ADAM12: variants seen among roughly 807,000 people sequenced by gnomAD.
ADAM12 encodes the protein disintegrin and metalloproteinase domain-containing protein 12.
In ADAM12, 70 loss-of-function variants were observed where a neutral mutation model predicts 106.4. That is an observed-to-expected ratio of 0.66 (90% confidence interval 0.54 to 0.80). The LOEUF (loss-of-function observed/expected upper bound fraction) is 0.80, where lower values mean the gene tolerates loss of function less well. Ranked by LOEUF, ADAM12 falls within the 30% of genes least tolerant of loss-of-function variation. The probability of loss-of-function intolerance (pLI) is 0.00; values close to 1 mark genes in which losing one functional copy is unlikely to be tolerated. For missense variants in ADAM12, 1,010 were observed against 1,171.9 expected, an observed-to-expected ratio of 0.86 and a Z score of 2.02; for synonymous variants, 420 against 433.5, an observed-to-expected ratio of 0.97 and a Z score of 0.39.
intron 21 of ADAM12, among the ~76,000 whole-genome samples, chr10:126,023,411 T>C (rs1010266641): frequency 8.0e-5 from 12 of 150,446 alleles, no homozygotes; most frequent in Non-Finnish European, 1.6e-4. Context: ...GGAGAGGGAG[T>C]AGTAACTGAA....
chr10:126,236,081 C>A (rs1370213519), intron 3 of ADAM12, among the ~76,000 whole-genome samples: 1 of 152,174 alleles, frequency 6.6e-6, no homozygotes, highest in Non-Finnish European at 1.5e-5. Context: ...CTGAAAAGGA[C>A]AGGCCACCAG....
intron 3 of ADAM12, among the ~76,000 whole-genome samples, chr10:126,169,726 T>C (rs1186531193): frequency 6.6e-6 from 1 of 152,216 alleles, no homozygotes; most frequent in East Asian, 1.9e-4. Flanking sequence ...ATAGAAAATA[T>C]ACTTTACAAG....
intron 3 of ADAM12, among the ~76,000 whole-genome samples, chr10:126,231,827 G>A (rs1225883493): frequency 3.3e-5 from 5 of 152,128 alleles, no homozygotes; most frequent in African/African-American, 1.2e-4. Context: ...AGGGATGAAC[G>A]GGATTGGTCC....
intron 21 of ADAM12, among the ~76,000 whole-genome samples, chr10:126,020,737 C>T (rs1056689077): frequency 1.3e-5 from 2 of 151,974 alleles, no homozygotes; most frequent in African/African-American, 2.4e-5. Context: ...ATGCCTGTAA[C>T]TCCAGCACTT....
chr10:126,078,867 T>G (rs781588168), intron 11 of ADAM12, among the ~76,000 whole-genome samples: 1 of 152,094 alleles, frequency 6.6e-6, no homozygotes, highest in Non-Finnish European at 1.5e-5. Context: ...AAAAACCATT[T>G]TCTTTATTAC....
rs1291034328 is a variant in ADAM12 at position 126,013,184 on chromosome 10, G to C, written c.*4095C>G. ...GGCTGTACTAGAAGCTGCCATTACT[G>C]TTCCAAAAAGTAAAGGGGATTTTCT... On this transcript the variant is annotated 3_prime_UTR_variant, in exon 23 of 23. Coordinates refer to ENST00000448723, the MANE Select transcript of ADAM12 (RefSeq NM_001288973.2). This position sits in a 1 kb window ranked among gnomAD's most constrained non-coding sequence, Gnocchi z 4.3. The C allele has an allele frequency of 6.6e-6, 1 of 152,220 alleles. No homozygotes were observed. Among genetic ancestry groups the C allele is most frequent in the East Asian group, 1.9e-4 (1 of 5,184 alleles). 9.4% of individuals were successfully genotyped at this position (152,220 alleles called of 1,614,324 possible). A position where few individuals can be genotyped will look rare whatever the true frequency, so the allele number is the denominator to read the frequency against.
At chr10:126,143,713 T>G (rs773218005) in intron 4 of ADAM12, among the ~76,000 whole-genome samples, 15 of 151,976 alleles carry the variant, frequency 9.9e-5, no homozygotes, top group Non-Finnish European at 2.2e-4. Context: ...TATGTGTGTG[T>G]GTGGGTATGC....
intron 3 of ADAM12, among the ~76,000 whole-genome samples, chr10:126,178,524 C>A (rs1259561927): frequency 6.9e-6 from 1 of 145,456 alleles, no homozygotes; most frequent in East Asian, 2.0e-4. Context: ...CAATATATTT[C>A]TTTGTATGCT....
intron 1 of ADAM12, among the ~76,000 whole-genome samples, chr10:126,363,812 A>G (rs930403398): frequency 2.6e-5 from 4 of 152,186 alleles, no homozygotes; most frequent in Admixed American, 2.6e-4. Context: ...CACATGAGCG[A>G]AAGATGGGTT....
intron 6 of ADAM12, among the ~76,000 whole-genome samples, chr10:126,112,165 T>C (rs888174716): frequency 1.3e-5 from 2 of 150,748 alleles, no homozygotes; most frequent in African/African-American, 2.4e-5. Flanking sequence ...CAAGTGGGAG[T>C]TGAACAATAA....
chr10:126,024,178 A>G (rs1245757255), intron 21 of ADAM12, among the ~76,000 whole-genome samples: 2 of 152,214 alleles, frequency 1.3e-5, no homozygotes, highest in Non-Finnish European at 2.9e-5. Flanking sequence ...AACACGAAAC[A>G]CTATATTAAT....
intron 2 of ADAM12, among the ~76,000 whole-genome samples, chr10:126,312,924 A>G (rs1345002007): frequency 6.6e-6 from 1 of 152,214 alleles, no homozygotes; most frequent in African/African-American, 2.4e-5. Flanking sequence ...CAGATTTTGC[A>G]GTTTCTTCTT....
At chr10:126,245,896 A>G (rs1455174283) in intron 3 of ADAM12, among the ~76,000 whole-genome samples, 1 of 152,168 alleles carries the variant, frequency 6.6e-6, no homozygotes, top group East Asian at 1.9e-4. Context: ...GTGAGAGGGT[A>G]GCAGAGCCTA....
intron 3 of ADAM12, among the ~76,000 whole-genome samples, chr10:126,176,739 C>T (rs1023564736): frequency 2.0e-5 from 3 of 152,266 alleles, no homozygotes; most frequent in East Asian, 1.9e-4. Context: ...TAATTCCTAA[C>T]GGCTCTGAAC....
intron 2 of ADAM12, among the ~76,000 whole-genome samples, chr10:126,287,575 C>T (rs545785054): frequency 1.7e-4 from 26 of 152,122 alleles, no homozygotes; most frequent in African/African-American, 5.8e-4. Flanking sequence ...ACGGCCTTCA[C>T]GCTGTGAAGG....
chr10:126,026,232 C>G (rs1199526595), intron 21 of ADAM12, among the ~76,000 whole-genome samples: 1 of 151,810 alleles, frequency 6.6e-6, no homozygotes, highest in East Asian at 1.9e-4. Flanking sequence ...CAACAAAGAT[C>G]AAAAAAAGAA....
intron 1 of ADAM12, among the ~76,000 whole-genome samples, chr10:126,378,765 T>TTAG (rs1354027060): frequency 3.3e-5 from 5 of 152,196 alleles, no homozygotes; most frequent in African/African-American, 1.2e-4. Flanking sequence ...AAAATATGGG[T>TTAG]GTATAACTTA....
chr10:126,171,965 C>A (rs904801218), intron 3 of ADAM12, among the ~76,000 whole-genome samples: 1 of 152,252 alleles, frequency 6.6e-6, no homozygotes, highest in Admixed American at 6.5e-5. Flanking sequence ...TGAAAGCTTT[C>A]CATGTGTCTG....
chr10:126,026,946 T>C (rs1159084379), intron 21 of ADAM12, among the ~76,000 whole-genome samples: 1 of 151,964 alleles, frequency 6.6e-6, no homozygotes, highest in Non-Finnish European at 1.5e-5. Context: ...GAGATAGACA[T>C]GAAAAACTCT....
Sources: gnomAD v4.1 joint callset for allele counts (sites outside exome capture counted in the v4.1 genomes callset) on GRCh38, gnomAD v4.1.1 for gene constraint, Gnocchi (gnomAD v3.1) non-coding constraint, MANE v1.5 for transcripts, NCBI Gene and HGNC (gene_info 2026-07-23, HGNC 2026-07-21) for gene names.